PATJ: variants seen among roughly 807,000 people sequenced by gnomAD.
The protein encoded by PATJ is PATJ crumbs cell polarity complex component.
A neutral mutation model predicts 224.9 loss-of-function variants in PATJ; 190 were observed. That is an observed-to-expected ratio of 0.84 (90% confidence interval 0.75 to 0.95). The LOEUF is 0.95. Ranked by LOEUF, PATJ falls within the 40% of genes least tolerant of loss-of-function variation. The pLI, the probability that PATJ is intolerant of heterozygous loss-of-function variation, is 0.00. For synonymous variants in PATJ, 769 were observed against 820.3 expected (o/e 0.94, Z 1.07); for missense variants, 2,121 against 2,270.3 (o/e 0.93, Z 1.34).
chr1:62,052,741 G>A (rs578015647), intron 31 of PATJ, among the ~76,000 whole-genome samples: 3 of 149,390 alleles, frequency 2.0e-5, no homozygotes, highest in East Asian at 2.0e-4. Context: ...GTGAACCTCC[G>A]TCTCAAAAAA....
chr1:61,963,441 A>G (rs1681608077), intron 27 of PATJ, among the ~76,000 whole-genome samples: 1 of 151,768 alleles, frequency 6.6e-6, no homozygotes, highest in Non-Finnish European at 1.5e-5. Context: ...CTAAAAATAC[A>G]AAAAATTAGC....
At chr1:61,981,033 A>G (rs1222178999) in intron 27 of PATJ, among the ~76,000 whole-genome samples, 1 of 152,076 alleles carries the variant, frequency 6.6e-6, no homozygotes, top group African/African-American at 2.4e-5. Context: ...GGAGGGAGGC[A>G]GCCTAGGAGG....
intron 39 of PATJ, among the ~76,000 whole-genome samples, chr1:62,127,399 G>A (rs1021212273): frequency 4.8e-5 from 7 of 146,294 alleles, no homozygotes; most frequent in South Asian, 2.2e-4. Context: ...TAGCCTTTCC[G>A]GGCTCTATTG....
At chr1:61,915,463 A>C (rs902194880) in intron 26 of PATJ, among the ~76,000 whole-genome samples, 1 of 152,112 alleles carries the variant, frequency 6.6e-6, no homozygotes, top group Non-Finnish European at 1.5e-5. Context: ...CTTCTTAGAC[A>C]TGTCTTAACT....
At chr1:62,005,417 G>T (rs7552023) in intron 28 of PATJ, among the ~76,000 whole-genome samples, 10,079 of 116,292 alleles carry the variant, frequency 0.087, 496 homozygotes, top group African/African-American at 0.13. Context: ...ATATGATGTG[G>T]TTTTTTTTTT....
chr1:62,154,047 C>T (rs1441292816), intron 43 of PATJ, among the ~76,000 whole-genome samples: 1 of 152,080 alleles, frequency 6.6e-6, no homozygotes, highest in East Asian at 1.9e-4. Context: ...AGGCGCATGC[C>T]ACCACGCCTG....
At chr1:62,010,973 T>C (rs1163613913) in intron 28 of PATJ, among the ~76,000 whole-genome samples, 5 of 152,184 alleles carry the variant, frequency 3.3e-5, no homozygotes, top group Non-Finnish European at 7.3e-5. Context: ...TCTGCTAGCT[T>C]CAAACAACTT....
At chr1:62,101,326 C>T (rs1328583308) in intron 33 of PATJ, among the ~76,000 whole-genome samples, 1 of 147,368 alleles carries the variant, frequency 6.8e-6, no homozygotes, top group Non-Finnish European at 1.5e-5. Flanking sequence ...TGCAGTGACA[C>T]AGTCTCGGCT....
chr1:61,892,647 CA>C (rs1454803243), intron 22 of PATJ, among the ~76,000 whole-genome samples: 2 of 152,084 alleles, frequency 1.3e-5, no homozygotes, highest in Admixed American at 6.6e-5. Context: ...GGCAAAAGTT[CA>C]GTTCATTTTT....
chr1:62,011,043 T>C (rs1037877880), intron 28 of PATJ, among the ~76,000 whole-genome samples: 5 of 152,234 alleles, frequency 3.3e-5, no homozygotes, highest in African/African-American at 9.6e-5. Context: ...GGCCTTGCTT[T>C]GGATTAGGCT....
intron 33 of PATJ, among the ~76,000 whole-genome samples, chr1:62,103,945 C>T (rs1662555274): frequency 6.6e-6 from 1 of 152,120 alleles, no homozygotes; most frequent in African/African-American, 2.4e-5. Flanking sequence ...AGTCTGACTC[C>T]AGAAGCCTAG....
chr1:62,030,230 G>A (rs2148469294), intron 29 of PATJ, among the ~76,000 whole-genome samples: 1 of 152,290 alleles, frequency 6.6e-6, no homozygotes, highest in African/African-American at 2.4e-5. Flanking sequence ...TGTAGCACCT[G>A]GAAGTTTAAG....
chr1:62,148,997 G>A (rs1668356363), intron 42 of PATJ, among the ~76,000 whole-genome samples: 1 of 151,740 alleles, frequency 6.6e-6, no homozygotes, highest in Non-Finnish European at 1.5e-5. Context: ...GCGTAGTAGC[G>A]GGCACCTGTA....
chr1:61,820,185 G>A (rs895665787), intron 14 of PATJ, among the ~76,000 whole-genome samples: 28 of 151,550 alleles, frequency 1.8e-4, no homozygotes, highest in African/African-American at 6.5e-4. Flanking sequence ...GGGATTACAG[G>A]TGTGCCCAAC....
chr1:62,109,054 A>G (rs1172205939), intron 34 of PATJ, among the ~76,000 whole-genome samples: 1 of 152,192 alleles, frequency 6.6e-6, no homozygotes, highest in African/African-American at 2.4e-5. Flanking sequence ...AACTTTTTCA[A>G]ATTGACTCTC....
chr1:61,964,745 G>A (rs1681831475), intron 27 of PATJ, among the ~76,000 whole-genome samples: 1 of 152,020 alleles, frequency 6.6e-6, no homozygotes, highest in African/African-American at 2.4e-5. Context: ...CCAAGATCGT[G>A]CCACTGCAGT....
chr1:62,015,671 T>C (rs1211435672), intron 28 of PATJ, among the ~76,000 whole-genome samples: 1 of 152,130 alleles, frequency 6.6e-6, no homozygotes, highest in African/African-American at 2.4e-5. Flanking sequence ...TAGGTGGGAC[T>C]ACAGGTGTGT....
intron 31 of PATJ, among the ~76,000 whole-genome samples, chr1:62,067,476 T>G (rs1446369082): frequency 5.9e-5 from 9 of 152,150 alleles, no homozygotes. Flanking sequence ...AAAGGAGCTT[T>G]TGATCCCTAA....
chr1:61,776,622 A>G (rs1168297993), intron 7 of PATJ, among the ~76,000 whole-genome samples: 4 of 152,104 alleles, frequency 2.6e-5, no homozygotes, highest in African/African-American at 9.6e-5. Context: ...GGCATTTAGT[A>G]CATGTCTTTT....
Sources: allele counts gnomAD v4.1 joint callset (sites outside exome capture counted in the v4.1 genomes callset), GRCh38; gene constraint gnomAD v4.1.1; transcripts MANE v1.5; gene names NCBI Gene and HGNC (gene_info 2026-07-23, HGNC 2026-07-21).